The following PRKACB variants were observed in gnomAD, a reference collection of about 807,000 sequenced individuals.
PRKACB encodes cAMP-dependent protein kinase catalytic subunit beta.
PRKACB carries 16 observed loss-of-function variants against 51.4 expected under a neutral mutation model. That is an observed-to-expected ratio of 0.31 (90% CI 0.21 to 0.47). PRKACB has a LOEUF of 0.47. Among genes scored for constraint, PRKACB ranks in the 20% least tolerant of loss-of-function variants. The pLI, the probability that PRKACB is intolerant of heterozygous loss-of-function variation, is 1.00. For synonymous variants in PRKACB, 147 were observed against 154.4 expected, an observed-to-expected ratio of 0.95 and a Z score of 0.35; for missense variants, 309 against 464.5, an observed-to-expected ratio of 0.67 and a Z score of 3.08.
chr1:84,164,648 A>G, intron 1 of PRKACB: 1 of 1,394,014 alleles, frequency 7.2e-7, no homozygotes, highest in Non-Finnish European at 9.3e-7. Context: ...TCATGCTGAT[A>G]TAATTGAGAA....
intron 9 of PRKACB, among the ~76,000 whole-genome samples, chr1:84,221,256 A>G (rs916449285): frequency 5.2e-5 from 1 of 19,108 alleles, no homozygotes; most frequent in African/African-American, 7.5e-5. Context: ...GATAGTCTCC[A>G]GTGATCTCCT....
At chr1:84,085,783 G>C (rs1043926370) in intron 1 of PRKACB, 1 of 361,314 alleles carries the variant, frequency 2.8e-6, no homozygotes, top group African/African-American at 2.1e-5. Flanking sequence ...GGCCTCAGTC[G>C]TCTCCAGGAA....
chr1:84,235,084 G>A lies in PRKACB; in HGVS notation c.1072-96G>A, dbSNP rs571011762. On this transcript the variant is annotated intron_variant, in intron 9 of 9. Transcript: ENST00000370685. Reference sequence around the variant, plus strand: ...CCTAATGGCATCTAAGGATTTCACCGTGTAATAACAGTGGGAATTTATTTT... The same window carrying A: ...CCTAATGGCATCTAAGGATTTCACCATGTAATAACAGTGGGAATTTATTTT... The A allele has an allele frequency of 1.7e-3, 2,201 of 1,326,502 alleles. 27 individuals are homozygous for A. The South Asian group carries it at 0.019, about 12-fold the overall frequency. The allele number at this position is 1,326,502 out of a possible 1,614,324, so 82.2% of individuals were successfully genotyped here.
chr1:84,087,830 C>T (rs1325198889), intron 1 of PRKACB, among the ~76,000 whole-genome samples: 2 of 152,114 alleles, frequency 1.3e-5, no homozygotes, highest in African/African-American at 4.8e-5. Context: ...GGTGGTATAG[C>T]TTAAATTGCT....
intron 1 of PRKACB, among the ~76,000 whole-genome samples, chr1:84,106,794 C>T (rs1390227055): frequency 9.2e-5 from 14 of 152,094 alleles, no homozygotes; most frequent in Admixed American, 8.5e-4. Flanking sequence ...CCCAAATAGC[C>T]AAGGCAATCC....
chr1:84,217,756 G>A (rs1249573428), intron 9 of PRKACB, among the ~76,000 whole-genome samples: 2 of 152,168 alleles, frequency 1.3e-5, no homozygotes, highest in African/African-American at 4.8e-5. Context: ...TCATGCCACT[G>A]CACTCCAGCC....
At chr1:84,190,793 T>C (rs1228752579) in intron 5 of PRKACB, among the ~76,000 whole-genome samples, 1 of 152,118 alleles carries the variant, frequency 6.6e-6, no homozygotes, top group East Asian at 1.9e-4. Flanking sequence ...CTTTATGTAA[T>C]GCCCTTCTTT....
At chr1:84,174,711 A>T (rs750481644) in intron 1 of PRKACB, among the ~76,000 whole-genome samples, 2 of 151,964 alleles carry the variant, frequency 1.3e-5, no homozygotes, top group Non-Finnish European at 2.9e-5. Flanking sequence ...TGGTATTGCA[A>T]TAGTTACAGG....
chr1:84,100,938 T>G (rs1251830881), intron 1 of PRKACB, among the ~76,000 whole-genome samples: 1 of 152,192 alleles, frequency 6.6e-6, no homozygotes. Flanking sequence ...CTCTAGAGTG[T>G]TGTTAACCGT....
chr1:84,195,640 C>T (rs72710878), intron 5 of PRKACB, among the ~76,000 whole-genome samples: 19,968 of 151,976 alleles, frequency 0.13, 1,698 homozygotes, highest in Non-Finnish European at 0.19. Context: ...TAGCTGGGTG[C>T]GGTGGCTGAC....
chr1:84,109,887 A>T (rs1379282546), intron 1 of PRKACB, among the ~76,000 whole-genome samples: 1 of 151,882 alleles, frequency 6.6e-6, no homozygotes, highest in Non-Finnish European at 1.5e-5. Context: ...TTCTGATTAT[A>T]TATGTTATAA....
chr1:84,182,359 G>T, intron 3 of PRKACB, 31 bp downstream of exon 3: 3 of 1,480,930 alleles, frequency 2.0e-6, no homozygotes, highest in Non-Finnish European at 2.7e-6. Context: ...TTACCTTCAG[G>T]GTAAACTTTA....
chr1:84,217,246 G>C (rs1673011210), intron 9 of PRKACB, among the ~76,000 whole-genome samples: 1 of 152,134 alleles, frequency 6.6e-6, no homozygotes, highest in Non-Finnish European at 1.5e-5. Context: ...CTTATAACCA[G>C]GTAATTTATT....
intron 7 of PRKACB, among the ~76,000 whole-genome samples, chr1:84,200,370 A>T (rs1032277215): frequency 6.6e-6 from 1 of 152,134 alleles, no homozygotes; most frequent in South Asian, 2.1e-4. Context: ...TTCCTCATAG[A>T]TGCTGGATAT....
At position 84,232,392 on chromosome 1, in the gene PRKACB, A is replaced by G. The variant is rs1675847662; in HGVS notation, c.1072-2788A>G. Among the ~76,000 whole-genome samples, 3 of 152,220 alleles carry G rather than the reference A, an allele frequency of 2.0e-5. No individual in the cohort carries two copies. In the South Asian group the frequency reaches 6.2e-4, roughly 32 times the overall value. Reference sequence around the variant, plus strand: ...TGGTGTGGTGCTGAAAAAAATGTATATTCTGTTGATTTGGGGTAGAGAGTT... The same window carrying G: ...TGGTGTGGTGCTGAAAAAAATGTATGTTCTGTTGATTTGGGGTAGAGAGTT... On this transcript the variant is annotated intron_variant, in intron 9 of 9. Transcript: ENST00000370685.
chr1:84,232,004 T>G (rs929617822), intron 9 of PRKACB, among the ~76,000 whole-genome samples: 2 of 151,390 alleles, frequency 1.3e-5, no homozygotes, highest in Non-Finnish European at 3.0e-5. Flanking sequence ...TTCTTTTAAT[T>G]GTGATGTTAG....
At position 84,102,776 on chromosome 1, in the gene PRKACB, A is replaced by G. The variant is rs560524503; in HGVS notation, c.46+24405A>G. Among the ~76,000 whole-genome samples, 159 of 152,348 alleles carry G rather than the reference A, an allele frequency of 1.0e-3. 1 individual carries two copies. The highest frequency in any genetic ancestry group is 3.7e-3 in the African/African-American group (155 of 41,590). On this transcript the variant is annotated intron_variant, in intron 1 of 8. Coordinates refer to the PRKACB transcript ENST00000370688. Reference sequence around the variant, plus strand: ...AAGAATGATTGAGAGAGGGCAGCCAAGAAGCCAGAGAGTACAGCTAAGAGA... The same window carrying G: ...AAGAATGATTGAGAGAGGGCAGCCAGGAAGCCAGAGAGTACAGCTAAGAGA...
chr1:84,078,168 C>A, exon 1 of PRKACB: 1 of 756,234 alleles, frequency 1.3e-6, no homozygotes, highest in Non-Finnish European at 2.0e-6. Flanking sequence ...TTTCCTCAGA[C>A]CCGGCCCGGT....
intron 1 of PRKACB, among the ~76,000 whole-genome samples, chr1:84,175,621 A>C (rs2812001): frequency 0.2 from 30,730 of 151,734 alleles, 3,292 homozygotes; most frequent in South Asian, 0.28. Flanking sequence ...ATAAACTTTA[A>C]AATCTGATTT....
Sources: allele counts gnomAD v4.1 joint callset (sites outside exome capture counted in the v4.1 genomes callset), GRCh38; gene constraint gnomAD v4.1.1; transcripts MANE v1.5; gene names NCBI Gene and HGNC (gene_info 2026-07-23, HGNC 2026-07-21).